TMEFF2: variants seen among roughly 807,000 people sequenced by gnomAD.
TMEFF2 encodes tomoregulin-2.
TMEFF2 carries 28 observed loss-of-function variants against 53.8 expected under a neutral mutation model. The observed-to-expected ratio is 0.52, with a 90% CI of 0.39 to 0.71. The LOEUF is 0.71. TMEFF2 is among the 30% of genes least tolerant of loss of function. The probability of loss-of-function intolerance (pLI) is 0.00; values close to 1 mark genes in which losing one functional copy is unlikely to be tolerated. For synonymous variants in TMEFF2, 162 were observed against 166.3 expected, an observed-to-expected ratio of 0.97 and a Z score of 0.20; for missense variants, 353 against 455.2, an observed-to-expected ratio of 0.78 and a Z score of 2.04.
intron 7 of TMEFF2, among the ~76,000 whole-genome samples, chr2:191,987,577 T>C (rs1559073324): frequency 6.6e-6 from 1 of 152,134 alleles, no homozygotes; most frequent in African/African-American, 2.4e-5. Context: ...CAGCTAATTT[T>C]CGTGCTTTTT....
At chr2:192,192,112 C>T in intron 1 of TMEFF2, 123 bp from the exon 2 acceptor site, 1 of 634,020 alleles carries the variant, frequency 1.6e-6, no homozygotes, top group South Asian at 2.0e-5. Context: ...TATAGCTGTA[C>T]TGCAAGGTCA....
chr2:192,031,373 A>C (rs1441942692), intron 5 of TMEFF2: 7 of 152,172 alleles, frequency 4.6e-5, no homozygotes, highest in African/African-American at 1.7e-4. Context: ...GCAGACAGTC[A>C]GTGAATGTGT....
intron 5 of TMEFF2, chr2:192,036,085 A>G (rs1171136837): frequency 1.3e-5 from 2 of 152,072 alleles, no homozygotes; most frequent in Non-Finnish European, 2.9e-5. Flanking sequence ...TCCTTCAACT[A>G]TTTTTCATTC....
chr2:191,968,320 G>A (rs1453155030), intron 7 of TMEFF2, among the ~76,000 whole-genome samples: 1 of 152,176 alleles, frequency 6.6e-6, no homozygotes, highest in Non-Finnish European at 1.5e-5. Context: ...AAAGGTAACA[G>A]CGGCAGGAAA....
At chr2:191,966,190 A>T (rs913710751) in intron 7 of TMEFF2, among the ~76,000 whole-genome samples, 1 of 152,170 alleles carries the variant, frequency 6.6e-6, no homozygotes, top group Non-Finnish European at 1.5e-5. Context: ...TTTGTAGGTG[A>T]GGGTGGCATG....
intron 5 of TMEFF2, among the ~76,000 whole-genome samples, chr2:192,011,937 A>C (rs866208736): frequency 6.6e-6 from 1 of 151,930 alleles, no homozygotes; most frequent in Non-Finnish European, 1.5e-5. Context: ...TCCAGGCTGG[A>C]GTGCAGTGGC....
At chr2:192,144,311 C>T (rs1382348213) in intron 4 of TMEFF2, among the ~76,000 whole-genome samples, 1 of 151,904 alleles carries the variant, frequency 6.6e-6, no homozygotes, top group Non-Finnish European at 1.5e-5. Context: ...TTCCTCATTG[C>T]CAAGGGCATG....
intron 4 of TMEFF2, among the ~76,000 whole-genome samples, chr2:192,172,116 G>T (rs1289437776): frequency 6.6e-6 from 1 of 151,846 alleles, no homozygotes; most frequent in African/African-American, 2.4e-5. Flanking sequence ...ATTAATGGTG[G>T]GGTATAAAAG....
intron 4 of TMEFF2, among the ~76,000 whole-genome samples, chr2:192,122,823 G>A (rs1689588181): frequency 1.3e-5 from 2 of 152,058 alleles, no homozygotes; most frequent in Admixed American, 6.6e-5. Context: ...ATTATTCAAT[G>A]TGATTCAATC....
chr2:191,989,977 C>T (rs955898069), intron 7 of TMEFF2, among the ~76,000 whole-genome samples: 1 of 152,126 alleles, frequency 6.6e-6, no homozygotes, highest in Non-Finnish European at 1.5e-5. Context: ...GTATATTCTA[C>T]CCTCCTCCCC....
intron 5 of TMEFF2, among the ~76,000 whole-genome samples, chr2:192,056,148 T>C (rs958753159): frequency 2.6e-5 from 4 of 152,170 alleles, no homozygotes; most frequent in Non-Finnish European, 5.9e-5. Flanking sequence ...TTTTCCCCTC[T>C]ACTCACAAAA....
chr2:192,190,632 CCACCAGGAGGTGGTG>C (rs1691439729), intron 2 of TMEFF2, among the ~76,000 whole-genome samples: 1 of 152,046 alleles, frequency 6.6e-6, no homozygotes, highest in South Asian at 2.1e-4. Context: ...CACTACTTAC[CCACCAGGAGGTGGTG>C]CACTTTACAA....
intron 4 of TMEFF2, among the ~76,000 whole-genome samples, chr2:192,099,848 A>G (rs987140786): frequency 7.7e-6 from 1 of 130,144 alleles, no homozygotes; most frequent in African/African-American, 2.8e-5. Context: ...GAATCAACAT[A>G]GTTTGACAAA....
intron 4 of TMEFF2, among the ~76,000 whole-genome samples, chr2:192,109,997 G>C (rs1205515820): frequency 6.6e-6 from 1 of 152,014 alleles, no homozygotes; most frequent in Non-Finnish European, 1.5e-5. Context: ...ATAAGGAAAG[G>C]AGATGAAAAG....
chr2:192,001,241 A>T (rs1423664880), intron 5 of TMEFF2, among the ~76,000 whole-genome samples: 5 of 152,186 alleles, frequency 3.3e-5, no homozygotes, highest in Non-Finnish European at 7.3e-5. Context: ...AAAAACAGAA[A>T]GGTATGTTCT....
chr2:192,078,875 A>T (rs1258120687), intron 4 of TMEFF2, among the ~76,000 whole-genome samples: 1 of 152,198 alleles, frequency 6.6e-6, no homozygotes, highest in African/African-American at 2.4e-5. Context: ...GCAGGATCCA[A>T]CCAATTATTA....
chr2:192,041,787 A>G (rs1400646009), intron 5 of TMEFF2, among the ~76,000 whole-genome samples: 3 of 152,188 alleles, frequency 2.0e-5, no homozygotes, highest in Non-Finnish European at 4.4e-5. Flanking sequence ...ATGCTAGGGA[A>G]GCCGTAGAAA....
At chr2:191,995,767 C>T (rs1424459752) in intron 7 of TMEFF2, among the ~76,000 whole-genome samples, 3 of 151,938 alleles carry the variant, frequency 2.0e-5, no homozygotes, top group African/African-American at 2.4e-5. Flanking sequence ...AGAATCTTGA[C>T]GTATGCAATC....
chr2:191,998,493 G>A (rs1234640744), intron 6 of TMEFF2, among the ~76,000 whole-genome samples, 172 bp from the exon 7 acceptor site: 1 of 151,884 alleles, frequency 6.6e-6, no homozygotes, highest in Non-Finnish European at 1.5e-5. Flanking sequence ...ATTTCTGTCT[G>A]AGAGCAAATA....
Sources: allele counts gnomAD v4.1 joint callset (sites outside exome capture counted in the v4.1 genomes callset), GRCh38; gene constraint gnomAD v4.1.1; transcripts MANE v1.5; gene names NCBI Gene and HGNC (gene_info 2026-07-23, HGNC 2026-07-21).